PHLPP2: variants seen among roughly 807,000 people sequenced by gnomAD.
PHLPP2 encodes the protein PH domain and leucine rich repeat protein phosphatase 2.
A neutral mutation model predicts 124.9 loss-of-function variants in PHLPP2; 66 were observed. That is an observed-to-expected ratio of 0.53 (90% CI 0.43 to 0.65). The LOEUF is 0.65. PHLPP2 is among the 30% of genes least tolerant of loss of function. The pLI is 0.00. For missense variants in PHLPP2, 1,685 were observed against 1,600.4 expected (o/e 1.05, Z -0.90); for synonymous variants, 681 against 624.7 (o/e 1.09, Z -1.34).
intron 4 of PHLPP2, 34 bp downstream of exon 4, chr16:71,690,485 C>G (rs536269732): frequency 1.4e-6 from 2 of 1,393,588 alleles, no homozygotes; most frequent in East Asian, 4.6e-5. Flanking sequence ...TTAAGATGAT[C>G]AAATGAAAAA....
intron 4 of PHLPP2, among the ~76,000 whole-genome samples, chr16:71,684,813 T>C (rs1423887861): frequency 6.6e-6 from 1 of 152,214 alleles, no homozygotes; most frequent in Non-Finnish European, 1.5e-5. Flanking sequence ...AGCTGTGCTT[T>C]TGCTCTATCA....
intron 2 of PHLPP2, among the ~76,000 whole-genome samples, chr16:71,713,762 A>G (rs1428697012): frequency 5.3e-5 from 8 of 152,144 alleles, no homozygotes; most frequent in Admixed American, 6.5e-5. Flanking sequence ...ATACTCACGC[A>G]TGGGCACATA....
chr16:71,660,083 T>C (rs1411807780), intron 13 of PHLPP2, among the ~76,000 whole-genome samples: 1 of 151,734 alleles, frequency 6.6e-6, no homozygotes. Context: ...AACTGAAAAA[T>C]AGAGACAAAC....
intron 13 of PHLPP2, 31 bp downstream of exon 13, chr16:71,663,868 T>A: frequency 6.6e-7 from 1 of 1,509,006 alleles, no homozygotes; most frequent in Non-Finnish European, 9.2e-7. Context: ...TGTTGTGTAT[T>A]TGAAATGATC....
intron 10 of PHLPP2, among the ~76,000 whole-genome samples, chr16:71,670,695 A>AACACACACACACACCCACAC (rs1555545715): frequency 1.6e-4 from 20 of 128,940 alleles, no homozygotes; most frequent in African/African-American, 5.9e-4. Flanking sequence ...AGAGGCTGAA[A>AACACACACACACACCCACAC]ACACACACAC....
intron 15 of PHLPP2, among the ~76,000 whole-genome samples, chr16:71,657,909 T>G (rs962694976): frequency 2.0e-5 from 3 of 152,242 alleles, no homozygotes; most frequent in Admixed American, 6.5e-5. Flanking sequence ...AGTATTTTGA[T>G]ACAATGAAGT....
In PHLPP2 at chr16:71,678,941, GGTAAA is replaced by G; in HGVS notation, c.1077_1081del (p.Leu360Ter). 1 of 1,612,732 alleles carries G rather than the reference GGTAAA, an allele frequency of 6.2e-7. No homozygotes were observed. The highest frequency in any genetic ancestry group is 8.5e-7 in the Non-Finnish European group (1 of 1,178,984). On this transcript the variant is annotated frameshift_variant, in exon 8 of 19. Transcript: ENST00000568954. LOFTEE classifies it high-confidence loss of function. Reference sequence around the variant, plus strand: ...CTGTTGTAGATTTCCCAATTCTTCAGGTAAAGTAGTCAGAAAGTTGCCATCAAGAC... The same window carrying G: ...CTGTTGTAGATTTCCCAATTCTTCAGGTAGTCAGAAAGTTGCCATCAAGAC...
At chr16:71,691,270 C>T (rs969090033) in intron 3 of PHLPP2, among the ~76,000 whole-genome samples, 5 of 151,796 alleles carry the variant, frequency 3.3e-5, no homozygotes, top group Middle Eastern at 3.2e-3. Context: ...CTGGCTAGCA[C>T]GGTGAAACCC....
chr16:71,685,430 T>C (rs956905904), intron 4 of PHLPP2, among the ~76,000 whole-genome samples: 1 of 152,244 alleles, frequency 6.6e-6, no homozygotes, highest in African/African-American at 2.4e-5. Flanking sequence ...CATCTTTTTG[T>C]CTGGTATCTC....
chr16:71,705,493 T>G (rs1212807071), intron 2 of PHLPP2, among the ~76,000 whole-genome samples: 1 of 152,082 alleles, frequency 6.6e-6, no homozygotes, highest in Non-Finnish European at 1.5e-5. Context: ...CTTACACATG[T>G]CTTTTTTTTC....
At chr16:71,663,812 A>T in intron 13 of PHLPP2, 87 bp downstream of exon 13, 2 of 991,896 alleles carry the variant, frequency 2.0e-6, no homozygotes, top group Admixed American at 2.0e-5. Context: ...GTAAACAAAG[A>T]GTCATAGTCA....
intron 4 of PHLPP2, among the ~76,000 whole-genome samples, chr16:71,687,799 TA>T (rs2045067857): frequency 6.6e-6 from 1 of 152,232 alleles, no homozygotes; most frequent in African/African-American, 2.4e-5. Flanking sequence ...GTTCAGCTAT[TA>T]TTTTTTCAGA....
At position 71,678,594 on chromosome 16, in the gene PHLPP2, C is replaced by G. The variant is rs572199204; in HGVS notation, c.1268+161G>C. Reference sequence around the variant, plus strand: ...GGTCAAGACTGCAGTGGGCCGAGATCGTGCCACTGTATGCCAGCTTGGGTG... The same window carrying G: ...GGTCAAGACTGCAGTGGGCCGAGATGGTGCCACTGTATGCCAGCTTGGGTG... On this transcript the variant is annotated intron_variant, in intron 8 of 18. Coordinates refer to ENST00000568954, the MANE Select transcript of PHLPP2 (RefSeq NM_015020.3). 6.0e-5 allele frequency: 36 copies of G among 595,540 alleles called. No homozygotes were observed. The South Asian group carries it at 7.4e-4, about 12-fold the overall frequency. 36.9% of individuals were successfully genotyped at this position (595,540 alleles called of 1,614,324 possible). A position where few individuals can be genotyped will look rare whatever the true frequency, so the allele number is the denominator to read the frequency against.
chr16:71,653,099 C>CTTTTT, intron 17 of PHLPP2, 78 bp from the exon 18 acceptor site: 1 of 547,606 alleles, frequency 1.8e-6, no homozygotes, highest in Non-Finnish European at 3.1e-6. Context: ...TACATCCCTT[C>CTTTTT]TTTTTTTTTT....
At chr16:71,661,758 T>A (rs2044792639) in intron 13 of PHLPP2, among the ~76,000 whole-genome samples, 1 of 152,140 alleles carries the variant, frequency 6.6e-6, no homozygotes, top group Non-Finnish European at 1.5e-5. Context: ...GATGATCACT[T>A]GAGGCCAGGA....
rs2044684362 is a variant in PHLPP2 at position 71,649,924 on chromosome 16, G to C, written c.2938C>G (p.Leu980Val). 6.2e-7 allele frequency: 1 copy of C among 1,614,068 alleles called. No individual in the cohort carries two copies. The highest frequency in any genetic ancestry group is 8.5e-7 in the Non-Finnish European group (1 of 1,180,022). ...CACAATGCTTTGTTTCCCAGAATCA[G>C]CAACTCATCTTGAATGGTCAGCGGA... ...STPLTIQDEL[L>V]ILGNKALWEH... The change falls in exon 19 of 19, where the codon CTG becomes GTG. Residue 980 changes from leucine (L) to valine (V), a missense_variant. Coordinates refer to ENST00000568954, the MANE Select transcript of PHLPP2 (RefSeq NM_015020.3).
rs61733128 is a variant in PHLPP2 at position 71,652,908 on chromosome 16, G to A, written c.2699C>T (p.Thr900Met). The A allele has an allele frequency of 1.1e-4, 181 of 1,614,026 alleles. No individual in the cohort carries two copies. The highest frequency in any genetic ancestry group is 1.1e-4 in the Non-Finnish European group (126 of 1,179,932). The change falls in exon 18 of 19, where the codon ACG (threonine) becomes ATG (methionine). Residue 900 changes from threonine (T) to methionine (M), a missense_variant. Thr to Met is a moderately conservative substitution (Grantham distance 81, BLOSUM62 -1). Transcript: ENST00000568954. ...ACCTCGGCACAGGACTGCTTGGCAC[G>A]TGCCAACATTGGCTACAGTCAAGCT... is the stretch of plus-strand genomic sequence containing the variant. ...SFSLTVANVG[T>M]CQAVLCRGGK... is the part of the protein sequence containing the mutation.
At chr16:71,664,204 TC>T in intron 12 of PHLPP2, 105 bp from the exon 13 acceptor site, 1 of 780,484 alleles carries the variant, frequency 1.3e-6, no homozygotes, top group Non-Finnish European at 2.1e-6. Context: ...ATTCTAAGCT[TC>T]CAAATGGGAA....
chr16:71,682,224 T>G (rs538259202), intron 5 of PHLPP2, among the ~76,000 whole-genome samples: 4 of 150,142 alleles, frequency 2.7e-5, no homozygotes, highest in Admixed American at 6.6e-5. Flanking sequence ...TTGGGTTTTT[T>G]TTTTTTTTTT....
Sources: allele counts gnomAD v4.1 joint callset (sites outside exome capture counted in the v4.1 genomes callset), GRCh38; gene constraint gnomAD v4.1.1; transcripts MANE v1.5; gene names NCBI Gene and HGNC (gene_info 2026-07-23, HGNC 2026-07-21).